RUVBL1: variants seen among roughly 807,000 people sequenced by gnomAD.
The protein encoded by RUVBL1 is RuvB like AAA ATPase 1.
Under a neutral mutation model 52.4 loss-of-function variants are expected in RUVBL1, and 4 were observed. The ratio of observed to expected loss-of-function variants is 0.08; its 90% CI spans 0.04 to 0.17. The LOEUF is 0.17. RUVBL1 is among the 10% of genes least tolerant of loss of function. The pLI is 1.00. For synonymous variants in RUVBL1, 217 were observed against 214.4 expected, an observed-to-expected ratio of 1.01 and a Z score of -0.10; for missense variants, 298 against 572.8, an observed-to-expected ratio of 0.52 and a Z score of 4.90.
chr3:128,143,911 C>T (rs148646778), intron 1 of RUVBL1, among the ~76,000 whole-genome samples: 29 of 152,308 alleles, frequency 1.9e-4, no homozygotes, highest in African/African-American at 7.0e-4. Context: ...GTGCTGACCA[C>T]TACCGACCAC....
intron 9 of RUVBL1, among the ~76,000 whole-genome samples, chr3:128,086,764 T>C (rs1237297027): frequency 6.6e-6 from 1 of 152,258 alleles, no homozygotes; most frequent in Non-Finnish European, 1.5e-5. Flanking sequence ...AGTCCAATGG[T>C]ATTCCTATGC....
At chr3:128,113,987 T>C (rs1407422459) in intron 2 of RUVBL1, among the ~76,000 whole-genome samples, 1 of 152,264 alleles carries the variant, frequency 6.6e-6, no homozygotes, top group Non-Finnish European at 1.5e-5. Flanking sequence ...TGAGTTGGTC[T>C]TAACAAGTTA....
chr3:128,067,701 C>T lies in RUVBL1; in HGVS notation c.940-2481G>A. 9.1e-7 allele frequency: 1 copy of T among 1,094,958 alleles called. No homozygotes were observed. Among genetic ancestry groups the T allele is most frequent in the Non-Finnish European group, 1.3e-6 (1 of 751,682 alleles). The allele number at this position is 1,094,958 out of a possible 1,614,324, so 67.8% of individuals were successfully genotyped here. A position where few individuals can be genotyped will look rare whatever the true frequency, so the allele number is the denominator to read the frequency against. On this transcript the variant is annotated intron_variant, in intron 9 of 9. Transcript: ENST00000464873. This position sits in a 1 kb window ranked among gnomAD's most constrained non-coding sequence, Gnocchi z 4.1. ...TTGTCACCTCATCATAAATAATGGT[C>T]TGTGACGTGTGCAGATAGATCGTCG...
At chr3:128,144,570 T>C (rs1425235388) in intron 1 of RUVBL1, among the ~76,000 whole-genome samples, 1 of 152,038 alleles carries the variant, frequency 6.6e-6, no homozygotes, top group Non-Finnish European at 1.5e-5. Context: ...GGCTAGAGGT[T>C]TGGTGGTGAG....
At chr3:128,153,558 C>T in exon 1 of RUVBL1, 1 of 1,533,592 alleles carries the variant, frequency 6.5e-7, no homozygotes, top group Non-Finnish European at 8.7e-7. Flanking sequence ...GCCACATCGA[C>T]AGCGGCAAGA....
chr3:128,118,140 T>C (rs1000945891), intron 2 of RUVBL1, among the ~76,000 whole-genome samples: 3 of 152,010 alleles, frequency 2.0e-5, no homozygotes, highest in African/African-American at 7.2e-5. Flanking sequence ...AGGTCTAAGA[T>C]ATAAGGAATA....
intron 9 of RUVBL1, among the ~76,000 whole-genome samples, chr3:128,075,456 C>G (rs1942286594): frequency 6.6e-6 from 1 of 152,144 alleles, no homozygotes; most frequent in African/African-American, 2.4e-5. Context: ...AATTTTGCAT[C>G]AAAAAACTAA....
intron 9 of RUVBL1, chr3:128,069,942 T>G: frequency 5.9e-6 from 2 of 336,720 alleles, no homozygotes; most frequent in Non-Finnish European, 1.1e-5. Flanking sequence ...ATGTAACTTT[T>G]GTTTTAACCT....
chr3:128,113,731 T>C (rs964399189), intron 2 of RUVBL1, among the ~76,000 whole-genome samples: 2 of 152,224 alleles, frequency 1.3e-5, no homozygotes, highest in Non-Finnish European at 2.9e-5. Context: ...AACCCACAGA[T>C]AGGAAGGGCC....
intron 9 of RUVBL1, chr3:128,069,992 A>G (rs1942113229): frequency 5.2e-6 from 1 of 191,390 alleles, no homozygotes; most frequent in Non-Finnish European, 1.1e-5. Context: ...CAGCCGTCTC[A>G]CCTGTTTCCC....
At chr3:128,100,528 A>T in intron 6 of RUVBL1, 67 bp downstream of exon 6, 1 of 1,511,934 alleles carries the variant, frequency 6.6e-7, no homozygotes, top group South Asian at 1.3e-5. Flanking sequence ...CTGACAATTC[A>T]TTCCCAGATC....
chr3:128,103,696 A>G (rs1943159712), intron 4 of RUVBL1, among the ~76,000 whole-genome samples: 1 of 152,214 alleles, frequency 6.6e-6, no homozygotes, highest in Non-Finnish European at 1.5e-5. Flanking sequence ...GCTCTGCCAC[A>G]TGACTGGCTG....
chr3:128,066,099 C>G (rs1315935727), intron 9 of RUVBL1, among the ~76,000 whole-genome samples: 2 of 151,998 alleles, frequency 1.3e-5, no homozygotes, highest in Non-Finnish European at 2.9e-5. Context: ...GTACTGGGAG[C>G]TCATAAAAAT....
chr3:128,151,316 C>T (rs1265026262), intron 1 of RUVBL1, among the ~76,000 whole-genome samples: 2 of 148,178 alleles, frequency 1.3e-5, no homozygotes, highest in African/African-American at 2.5e-5. Flanking sequence ...CTGCCTGCCT[C>T]AGCCTCCCAA....
chr3:128,130,385 T>C (rs1943854120), intron 1 of RUVBL1, among the ~76,000 whole-genome samples: 1 of 151,970 alleles, frequency 6.6e-6, no homozygotes, highest in Non-Finnish European at 1.5e-5. Flanking sequence ...GTAAGGAGAC[T>C]GAGTCAGTAA....
Position 128,123,806 on chromosome 3 carries a change from C to G in RUVBL1, c.-82G>C. The G allele has an allele frequency of 3.4e-6, 5 of 1,477,918 alleles. No homozygotes were observed. The highest frequency in any genetic ancestry group is 2.6e-5 in the South Asian group (2 of 75,554). The allele number at this position is 1,477,918 out of a possible 1,614,324, so 91.6% of individuals were successfully genotyped here. A position where few individuals can be genotyped will look rare whatever the true frequency, so the allele number is the denominator to read the frequency against. ...CCCGGCGCCTGAGTTACCATGCGGC[C>G]GTTACTAGGGCAATTTGCAAAGGCC... is the stretch of plus-strand genomic sequence containing the variant. On this transcript the variant is annotated 5_prime_UTR_variant, in exon 1 of 11. Transcript: ENST00000322623.
intron 1 of RUVBL1, among the ~76,000 whole-genome samples, chr3:128,148,074 A>G (rs1390547195): frequency 6.6e-6 from 1 of 152,132 alleles, no homozygotes; most frequent in Non-Finnish European, 1.5e-5. Context: ...AACATAGATA[A>G]CTATCTGCCA....
At chr3:128,120,184 T>C (rs893524828) in intron 1 of RUVBL1, among the ~76,000 whole-genome samples, 3 of 152,116 alleles carry the variant, frequency 2.0e-5, no homozygotes, top group Admixed American at 2.0e-4. Context: ...ATATATACAT[T>C]TTTTCCAGAG....
intron 9 of RUVBL1, chr3:128,083,801 G>A (rs1942553565): frequency 6.6e-6 from 1 of 152,350 alleles, no homozygotes. Flanking sequence ...ATTTTGGCAG[G>A]ACACAATGGC....
Sources: gnomAD v4.1 joint callset for allele counts (sites outside exome capture counted in the v4.1 genomes callset) on GRCh38, gnomAD v4.1.1 for gene constraint, Gnocchi (gnomAD v3.1) non-coding constraint, MANE v1.5 for transcripts, NCBI Gene and HGNC (gene_info 2026-07-23, HGNC 2026-07-21) for gene names.